Variants in LRRC4C observed in about 807,000 individuals in gnomAD.
The protein encoded by LRRC4C is leucine-rich repeat-containing protein 4C.
LRRC4C carries 5 observed loss-of-function variants against 33.6 expected under a neutral mutation model. The observed-to-expected ratio is 0.15, with a 90% CI of 0.08 to 0.31. The LOEUF (loss-of-function observed/expected upper bound fraction) is 0.31. LRRC4C is among the 10% of genes least tolerant of loss of function. LRRC4C has a pLI of 1.00. For missense variants in LRRC4C, 560 were observed against 796.7 expected (o/e 0.70, Z 3.58); for synonymous variants, 329 against 302.0 (o/e 1.09, Z -0.93).
At chr11:41,158,218 G>A (rs1944317594) in intron 1 of LRRC4C, among the ~76,000 whole-genome samples, 1 of 152,066 alleles carries the variant, frequency 6.6e-6, no homozygotes, top group Non-Finnish European at 1.5e-5. Flanking sequence ...TTGACACAGG[G>A]AGTAAGCAGC....
intron 2 of LRRC4C, among the ~76,000 whole-genome samples, chr11:40,684,244 A>C (rs1445474263): frequency 6.6e-6 from 1 of 152,272 alleles, no homozygotes; most frequent in African/African-American, 2.4e-5. Context: ...AAGAGAATAA[A>C]GTAATTCAAT....
intron 2 of LRRC4C, among the ~76,000 whole-genome samples, chr11:40,899,588 G>T (rs1213875337): frequency 1.3e-5 from 2 of 152,138 alleles, no homozygotes; most frequent in African/African-American, 2.4e-5. Context: ...ACATAGATTT[G>T]TGTTCTTTAT....
chr11:40,769,501 C>A (rs1017263471), intron 2 of LRRC4C, among the ~76,000 whole-genome samples: 4 of 152,070 alleles, frequency 2.6e-5, no homozygotes, highest in African/African-American at 7.2e-5. Context: ...TATGGACCCA[C>A]AAAAGACCTA....
intron 3 of LRRC4C, among the ~76,000 whole-genome samples, chr11:40,419,088 G>A (rs1950432360): frequency 6.6e-6 from 1 of 151,950 alleles, no homozygotes; most frequent in Non-Finnish European, 1.5e-5. Flanking sequence ...ATTTACCTAT[G>A]TAACAAACCT....
In LRRC4C at chr11:41,005,298, G is replaced by T. The variant is rs182619955; in HGVS notation, c.-495-71575C>A. ...CAGTAACAAGTTCATGCAAGATCTG[G>T]TTGTTTAAAAAGGAGCCGCCCCTGG... On this transcript the variant is annotated intron_variant, in intron 1 of 6. Transcript: ENST00000528697. 4.1e-3 allele frequency among the ~76,000 whole-genome samples: 617 copies of T among 152,184 alleles called. 4 individuals are homozygous for T. The highest frequency in any genetic ancestry group is 0.014 in the African/African-American group (587 of 41,522).
At chr11:41,355,344 TA>T (rs1396937567) in intron 1 of LRRC4C, among the ~76,000 whole-genome samples, 1 of 152,132 alleles carries the variant, frequency 6.6e-6, no homozygotes, top group African/African-American at 2.4e-5. Context: ...GTCTAAATTT[TA>T]TCCACCAAAA....
intron 5 of LRRC4C, among the ~76,000 whole-genome samples, chr11:40,197,512 G>A (rs1205266871): frequency 1.3e-5 from 2 of 152,126 alleles, no homozygotes; most frequent in African/African-American, 2.4e-5. Flanking sequence ...CTCAGCTTAC[G>A]CTTAGGACTT....
intron 2 of LRRC4C, among the ~76,000 whole-genome samples, chr11:40,752,937 C>T (rs1367281599): frequency 6.6e-6 from 1 of 151,814 alleles, no homozygotes; most frequent in African/African-American, 2.4e-5. Context: ...TACTATTTAG[C>T]CATAAAAAAG....
chr11:40,901,999 T>TACACACACAC lies in LRRC4C; in HGVS notation c.-407+31626_-407+31635dup, dbSNP rs369525560. Among the ~76,000 whole-genome samples the TACACACACAC allele has an allele frequency of 4.3e-5, 6 of 139,738 alleles. No homozygotes were observed. In the South Asian group the frequency reaches 7.0e-4, roughly 16 times the overall value. The allele number at this position is 139,738 out of a possible 152,430, so 91.7% of individuals were successfully genotyped here. ...AAGACAATCTCTCTCTCTCTCTCTC[T>TACACACACAC]ACACACACACACACACACACACACA... On this transcript the variant is annotated intron_variant, in intron 2 of 6. Transcript: ENST00000528697.
At chr11:40,126,685 G>T (rs528898264) in intron 6 of LRRC4C, among the ~76,000 whole-genome samples, 3 of 152,270 alleles carry the variant, frequency 2.0e-5, no homozygotes, top group African/African-American at 7.2e-5. Context: ...TTGGGGACGG[G>T]CGTGGTGGCT....
intron 3 of LRRC4C, among the ~76,000 whole-genome samples, chr11:40,397,005 A>C (rs1204810978): frequency 6.6e-6 from 1 of 152,218 alleles, no homozygotes; most frequent in Admixed American, 6.6e-5. Context: ...ATTAGAAAAA[A>C]TATGACTTGA....
intron 1 of LRRC4C, among the ~76,000 whole-genome samples, chr11:41,115,096 A>G (rs1942045759): frequency 6.6e-6 from 1 of 152,118 alleles, no homozygotes; most frequent in Non-Finnish European, 1.5e-5. Context: ...TTTATAATAA[A>G]AAGTTATAAA....
At chr11:41,364,447 T>A (rs1400542203) in intron 1 of LRRC4C, among the ~76,000 whole-genome samples, 1 of 151,962 alleles carries the variant, frequency 6.6e-6, no homozygotes, top group Non-Finnish European at 1.5e-5. Flanking sequence ...CCCAGCTAAT[T>A]TTTATTTTTA....
In LRRC4C at chr11:40,987,735, A is replaced by T. The variant is rs116533961; in HGVS notation, c.-495-54012T>A. On this transcript the variant is annotated intron_variant, in intron 1 of 6. Coordinates refer to ENST00000528697, the MANE Select transcript of LRRC4C (RefSeq NM_001258419.2). ...ATATGATATATATAGTTTCTGTTTT[A>T]AAAAAATCGTGGTCTCTTTTGCAGA... 2.2e-3 allele frequency among the ~76,000 whole-genome samples: 330 copies of T among 147,824 alleles called. 1 individual carries two copies. The highest frequency in any genetic ancestry group is 8.0e-3 in the African/African-American group (320 of 40,156).
At chr11:41,305,210 C>G (rs1950457779) in intron 1 of LRRC4C, among the ~76,000 whole-genome samples, 1 of 59,658 alleles carries the variant, frequency 1.7e-5, no homozygotes, top group Admixed American at 1.9e-4. Flanking sequence ...GGCCAGCCGC[C>G]CCGTCCGGGA....
intron 1 of LRRC4C, among the ~76,000 whole-genome samples, chr11:41,394,159 C>G (rs960058444): frequency 6.6e-6 from 1 of 151,916 alleles, no homozygotes; most frequent in African/African-American, 2.4e-5. Context: ...GCTTCCTTAT[C>G]TGTAAAATGG....
chr11:40,474,828 A>G (rs1459844771), intron 3 of LRRC4C, among the ~76,000 whole-genome samples: 1 of 152,158 alleles, frequency 6.6e-6, no homozygotes, highest in East Asian at 1.9e-4. Context: ...CAAACATATG[A>G]AAAAAAGCTC....
chr11:40,794,808 C>A (rs535608844), intron 2 of LRRC4C, among the ~76,000 whole-genome samples: 1 of 151,064 alleles, frequency 6.6e-6, no homozygotes, highest in Admixed American at 6.6e-5. Flanking sequence ...GACTCAAAGT[C>A]CGTAACCAGG....
chr11:41,226,779 C>CG, intron 1 of LRRC4C, among the ~76,000 whole-genome samples: 1 of 151,502 alleles, frequency 6.6e-6, no homozygotes, highest in Non-Finnish European at 1.5e-5. Context: ...CACACACACC[C>CG]TTCTCTCTAC....
Sources: gnomAD v4.1 joint callset for allele counts (sites outside exome capture counted in the v4.1 genomes callset) on GRCh38, gnomAD v4.1.1 for gene constraint, MANE v1.5 for transcripts, NCBI Gene and HGNC (gene_info 2026-07-23, HGNC 2026-07-21) for gene names.